Variants in MMP9 observed in about 807,000 individuals in gnomAD.
MMP9 encodes the protein matrix metallopeptidase 9, also known as matrix metalloproteinase-9.
In MMP9, 73 loss-of-function variants were observed where a neutral mutation model predicts 76.4. The ratio of observed to expected loss-of-function variants is 0.96; its 90% CI spans 0.79 to 1.16. MMP9 has a LOEUF of 1.16. MMP9 is among the 50% of genes most tolerant of loss of function. The pLI is 0.00. For missense variants in MMP9, 943 were observed against 973.0 expected, an observed-to-expected ratio of 0.97 and a Z score of 0.41; for synonymous variants, 412 against 408.4, an observed-to-expected ratio of 1.01 and a Z score of -0.11.
intron 1 of MMP9, 124 bp from the exon 2 acceptor site, chr20:46,009,742 C>T (rs2084263017): frequency 1.2e-6 from 1 of 848,312 alleles, no homozygotes; most frequent in Non-Finnish European, 1.9e-6. Flanking sequence ...GGGCTGATAC[C>T]GTCTCTCCGA....
chr20:46,015,553 C>T (rs1193688295), intron 12 of MMP9, among the ~76,000 whole-genome samples: 2 of 150,400 alleles, frequency 1.3e-5, no homozygotes, highest in African/African-American at 2.4e-5. Context: ...CGGGTTCAAG[C>T]GATTCTCCTG....
chr20:46,011,915 A>G (rs1468165407), intron 6 of MMP9, among the ~76,000 whole-genome samples, 168 bp downstream of exon 6: 1 of 152,058 alleles, frequency 6.6e-6, no homozygotes, highest in Non-Finnish European at 1.5e-5. Context: ...CCTGACTTCC[A>G]ATGGCCCCGC....
Position 46,016,130 on chromosome 20 carries a change from T to G in MMP9, c.2006-120T>G, listed in dbSNP as rs141843046. 8.6e-4 allele frequency: 841 copies of G among 977,886 alleles called. 4 individuals carry two copies. In the African/African-American group the frequency reaches 0.012, roughly 14 times the overall value. The allele number at this position is 977,886 out of a possible 1,614,324, so 60.6% of individuals were successfully genotyped here. A position where few individuals can be genotyped will look rare whatever the true frequency, so the allele number is the denominator to read the frequency against. ...ACAGGTTGGGGGGATGGAGGTGATA[T>G]GTGAAAACCTTAGAAAGTTCTAGAA... is the stretch of plus-strand genomic sequence containing the variant. On this transcript the variant is annotated intron_variant, in intron 12 of 12. Coordinates refer to ENST00000372330, the MANE Select transcript of MMP9 (RefSeq NM_004994.3).
At chr20:46,015,081 G>C in intron 12 of MMP9, among the ~76,000 whole-genome samples, 1 of 152,148 alleles carries the variant, frequency 6.6e-6, no homozygotes. Flanking sequence ...ATTAGAGAGG[G>C]GGTAGGAGTG....
intron 6 of MMP9, 124 bp downstream of exon 6, chr20:46,011,871 C>A (rs2084282151): frequency 8.3e-7 from 1 of 1,210,812 alleles, no homozygotes; most frequent in Non-Finnish European, 1.2e-6. Flanking sequence ...ACGACCGTGA[C>A]TCCGCCCACC....
Position 46,014,380 on chromosome 20 carries a change from G to A in MMP9, c.1911G>A (p.Val637=), listed in dbSNP as rs1310103106. The A allele has an allele frequency of 2.6e-6, 4 of 1,548,450 alleles. No homozygotes were observed. The highest frequency in any genetic ancestry group is 1.2e-5 in the South Asian group (1 of 84,072). ...FSGRRLWRFD[V]KAQMVDPRSA... is the part of the protein sequence containing the mutation. ...CCGCGCCTGCCCGCAGGTTCGACGT[G>A]AAGGCGCAGATGGTGGATCCCCGGA... Residue 637 remains valine, a synonymous_variant, in exon 12 of 13, where the codon GTG becomes GTA. Coordinates refer to ENST00000372330, the MANE Select transcript of MMP9 (RefSeq NM_004994.3).
In MMP9 at chr20:46,009,998, C is replaced by T. The variant is rs373665843; in HGVS notation, c.271C>T (p.Leu91=). 3.2e-6 allele frequency: 5 copies of T among 1,551,648 alleles called. No homozygotes were observed. The highest frequency in any genetic ancestry group is 4.4e-6 in the Non-Finnish European group (5 of 1,147,000). ...GACCGGTGAGCTGGATAGCGCCACG[C>T]TGAAGGCCATGCGAACCCCACGGTG... ...PETGELDSAT[L]KAMRTPRCGV... is the part of the protein sequence containing the mutation. Residue 91 remains leucine, a synonymous_variant, in exon 2 of 13, where the codon CTG becomes TTG. Transcript: ENST00000372330.
intron 2 of MMP9, 86 bp downstream of exon 2, chr20:46,010,184 A>T (rs536257733): frequency 1.1e-5 from 14 of 1,253,944 alleles, no homozygotes; most frequent in African/African-American, 8.9e-5. Flanking sequence ...CCTGTCTTGG[A>T]CGCGTCCCTG....
chr20:46,014,571 G>A, intron 12 of MMP9, 97 bp downstream of exon 12: 1 of 1,224,326 alleles, frequency 8.2e-7, no homozygotes, highest in Non-Finnish European at 1.2e-6. Context: ...CCTTGGAAAT[G>A]GAAACAAATG....
At chr20:46,010,131 GC>G in intron 2 of MMP9, 33 bp downstream of exon 2, 4 of 1,496,048 alleles carry the variant, frequency 2.7e-6, no homozygotes, top group East Asian at 2.5e-5. Context: ...GCGGGGTGGG[GC>G]GGGGAGGCCA....
chr20:46,016,147 G>T, intron 12 of MMP9, 103 bp from the exon 13 acceptor site: 1 of 1,147,304 alleles, frequency 8.7e-7, no homozygotes, highest in Non-Finnish European at 1.3e-6. Flanking sequence ...ACCTTAGAAA[G>T]TTCTAGAAAT....
rs201553146 is a variant in MMP9 at position 46,014,413 on chromosome 20, C to A, written c.1944C>A (p.Ser648Arg). 1.3e-6 allele frequency: 2 copies of A among 1,550,098 alleles called. No homozygotes were observed. The highest frequency in any genetic ancestry group is 2.0e-5 in the Admixed American group (1 of 51,016). ...KAQMVDPRSA[S>R]EVDRMFPGVP... ...AGATGGTGGATCCCCGGAGCGCCAG[C>A]GAGGTGGACCGGATGTTCCCCGGGG... Residue 648 changes from serine (S) to arginine (R), a missense_variant, in exon 12 of 13, where the codon AGC becomes AGA. Physicochemically the swap from Ser to Arg is moderately radical, Grantham distance 110 (BLOSUM62 -1). Coordinates refer to ENST00000372330, the MANE Select transcript of MMP9 (RefSeq NM_004994.3).
chr20:46,009,917 T>C lies in MMP9; in HGVS notation c.190T>C (p.Ser64Pro), dbSNP rs1237041404. ...TCGGGTGGCAGAGATGCGTGGAGAGTCGAAATCTCTGGGGCCTGCGCTGCT... is the reference window on the plus strand; with the variant it reads ...TCGGGTGGCAGAGATGCGTGGAGAGCCGAAATCTCTGGGGCCTGCGCTGCT... ...YTRVAEMRGE[S>P]KSLGPALLLL... The change falls in exon 2 of 13, where the codon TCG (serine) becomes CCG (proline). Residue 64 changes from serine to proline, a missense_variant. Physicochemically the swap from Ser to Pro is moderately conservative, Grantham distance 74. Transcript: ENST00000372330. 6.4e-7 allele frequency: 1 copy of C among 1,551,622 alleles called. No individual in the cohort carries two copies. The highest frequency in any genetic ancestry group is 2.0e-5 in the Admixed American group (1 of 51,038).
intron 2 of MMP9, among the ~76,000 whole-genome samples, 152 bp from the exon 3 acceptor site, chr20:46,010,321 CAAAAAAAAAA>C (rs58031394): frequency 6.4e-5 from 4 of 62,504 alleles, no homozygotes; most frequent in Non-Finnish European, 1.1e-4. Flanking sequence ...TCTAAGTAGA[CAAAAAAAAAA>C]AAAAAAAAAA....
At chr20:46,009,113 T>A (rs1444727160) in intron 1 of MMP9, 49 bp downstream of exon 1, 1 of 1,593,710 alleles carries the variant, frequency 6.3e-7, no homozygotes, top group Non-Finnish European at 8.6e-7. Context: ...CGTGAGGGTG[T>A]TGAGTGTCCC....
chr20:46,009,962 T>G lies in MMP9; in HGVS notation c.235T>G (p.Ser79Ala), dbSNP rs2084264553. Residue 79 changes from serine to alanine, a missense_variant, in exon 2 of 13, where the codon TCC becomes GCC. By Grantham distance (99) the Ser-to-Ala change is moderately conservative. Transcript: ENST00000372330. ...PALLLLQKQL[S>A]LPETGELDSA... The stretch of plus-strand genomic sequence containing the variant: ...GCTGCTGCTTCTCCAGAAGCAACTG[T>G]CCCTGCCCGAGACCGGTGAGCTGGA... 6.4e-7 allele frequency: 1 copy of G among 1,551,920 alleles called. No individual in the cohort carries two copies. The highest frequency in any genetic ancestry group is 1.2e-5 in the South Asian group (1 of 84,076).
At position 46,014,139 on chromosome 20, in the gene MMP9, T is replaced by C. The variant is rs754168333; in HGVS notation, c.1766T>C (p.Val589Ala). ...TCCCCTGCAGGGCGCCAGGTGTGGG[T>C]GTACACAGGCGCGTCGGTGCTGGGC... The part of the protein sequence containing the change: ...LFFFSGRQVW[V>A]YTGASVLGPR... The change falls in exon 11 of 13, where the codon GTG becomes GCG. Residue 589 changes from valine (V) to alanine (A), a missense_variant. Transcript: ENST00000372330. 1 of 1,535,946 alleles carries C rather than the reference T, an allele frequency of 6.5e-7. No homozygotes were observed. Among genetic ancestry groups the C allele is most frequent in the Non-Finnish European group, 8.7e-7 (1 of 1,146,594 alleles).
At chr20:46,012,101 T>A in intron 6 of MMP9, 36 bp from the exon 7 acceptor site, 1 of 1,610,272 alleles carries the variant, frequency 6.2e-7, no homozygotes, top group Non-Finnish European at 8.5e-7. Context: ...ATTGGACTCA[T>A]CCATCTGGCT....
intron 11 of MMP9, 34 bp downstream of exon 11, chr20:46,014,308 C>G (rs1342154448): frequency 6.5e-7 from 1 of 1,536,078 alleles, no homozygotes; most frequent in Non-Finnish European, 8.7e-7. Context: ...CAGGGGGAGC[C>G]CGGGCGCCGT....
Sources: gnomAD v4.1 joint callset for allele counts (sites outside exome capture counted in the v4.1 genomes callset) on GRCh38, gnomAD v4.1.1 for gene constraint, MANE v1.5 for transcripts, NCBI Gene and HGNC (gene_info 2026-07-23, HGNC 2026-07-21) for gene names.